The following CDKN2B-AS1 variants were observed in gnomAD, a reference collection of about 807,000 sequenced individuals.
CDKN2B-AS1 encodes the protein CDKN2B antisense RNA 1 (non-protein coding).
intron 1 of CDKN2B-AS1, among the ~76,000 whole-genome samples, chr9:22,016,566 A>G (rs1430964656): frequency 6.6e-6 from 1 of 152,198 alleles, no homozygotes; most frequent in Non-Finnish European, 1.5e-5. Flanking sequence ...GGCTACAGTA[A>G]CCAAAACAGC....
In CDKN2B-AS1 at chr9:22,103,342, T is replaced by G. The variant is rs1537373; in HGVS notation, n.439-23761T>G. Among the ~76,000 whole-genome samples the G allele has an allele frequency of 0.63, 95,154 of 151,974 alleles. 32,077 individuals are homozygous for G. Among genetic ancestry groups the G allele is most frequent in the African/African-American group, 0.89 (37,023 of 41,464 alleles). ...ATTTTCTTTTCTGGAGCTTGGCTAT[T>G]GGGGCATTGAGAAGTCCAGCCAGGA... is the stretch of plus-strand genomic sequence containing the variant. On this transcript the variant is annotated intron_variant and non_coding_transcript_variant, in intron 4 of 4. Transcript: ENST00000650946.
At chr9:22,064,550 G>A (rs1823960835) in intron 4 of CDKN2B-AS1, among the ~76,000 whole-genome samples, 1 of 152,192 alleles carries the variant, frequency 6.6e-6, no homozygotes, top group South Asian at 2.1e-4. Context: ...TATAGGAATG[G>A]AAACCTTAAT....
At chr9:22,070,145 G>A (rs747968849) in intron 4 of CDKN2B-AS1, among the ~76,000 whole-genome samples, 1 of 152,100 alleles carries the variant, frequency 6.6e-6, no homozygotes, top group African/African-American at 2.4e-5. Flanking sequence ...ATTGCCAAGT[G>A]GTTGGAGTGG....
At chr9:22,030,171 C>G (rs1212900098) in intron 1 of CDKN2B-AS1, 1 of 152,204 alleles carries the variant, frequency 6.6e-6, no homozygotes, top group Non-Finnish European at 1.5e-5. Context: ...TGCAGTTAAA[C>G]AGCTCACCAC....
In CDKN2B-AS1 at chr9:21,996,107, G is replaced by A. The variant is rs1820664119; in HGVS notation, n.29+946G>A. On this transcript the variant is annotated intron_variant and non_coding_transcript_variant, in intron 1 of 4. Coordinates refer to ENST00000650946, the Ensembl canonical transcript of CDKN2B-AS1. The surrounding 1 kb of genome is among the most constrained non-coding windows in gnomAD (Gnocchi z 5.4). ...AAGCCCCCCAGACCTTACAGGGGAG[G>A]AAAGTGAGGCCTGCACTGGCCGAGC... 6.6e-6 allele frequency: 1 copy of A among 152,340 alleles called. No individual in the cohort carries two copies. The highest frequency in any genetic ancestry group is 6.5e-5 in the Admixed American group (1 of 15,286). The allele number at this position is 152,340 out of a possible 1,614,324, so 9.4% of individuals were successfully genotyped here.
Position 22,126,579 on chromosome 9 carries a change from T to TTTC in CDKN2B-AS1, n.439-522_439-521insCTT, listed in dbSNP as rs1454422628. Among the ~76,000 whole-genome samples the TTTC allele has an allele frequency of 2.6e-3, 379 of 143,662 alleles. 5 individuals are homozygous for TTTC. Among genetic ancestry groups the TTTC allele is most frequent in the African/African-American group, 9.5e-3 (363 of 38,122 alleles). 94.2% of individuals were successfully genotyped at this position (143,662 alleles called of 152,430 possible). The stretch of plus-strand genomic sequence containing the variant: ...GGGGATGGAGTAAGTGGATTCTTTT[T>TTTC]TTTTTTTTTTTTTTTTGAGACGGAG... On this transcript the variant is annotated intron_variant and non_coding_transcript_variant, in intron 4 of 4. Transcript: ENST00000650946.
intron 4 of CDKN2B-AS1, among the ~76,000 whole-genome samples, chr9:22,087,703 A>AT (rs1824912208): frequency 1.3e-5 from 2 of 152,066 alleles, no homozygotes; most frequent in Admixed American, 1.3e-4. Flanking sequence ...CACTTCTTTG[A>AT]TTTTGTCATA....
intron 4 of CDKN2B-AS1, among the ~76,000 whole-genome samples, chr9:22,114,255 T>G (rs1384033407): frequency 6.6e-6 from 1 of 152,230 alleles, no homozygotes; most frequent in Non-Finnish European, 1.5e-5. Context: ...CAATCACCTG[T>G]GACTTTCCCT....
rs573494766 is a variant in CDKN2B-AS1, at chr9:21,995,822, C to G, written n.29+661C>G. 6.6e-6 allele frequency: 1 copy of G among 152,402 alleles called. No individual in the cohort carries two copies. 9.4% of individuals were successfully genotyped at this position (152,402 alleles called of 1,614,324 possible). On this transcript the variant is annotated intron_variant and non_coding_transcript_variant, in intron 1 of 4. Transcript: ENST00000650946. This position sits in a 1 kb window ranked among gnomAD's most constrained non-coding sequence, Gnocchi z 5.7. ...GCGCGGGAAGTCGAGCCCAGGACGC[C>G]GCCTTCAGGCCGGCGCGCTGACCCG...
At chr9:22,094,105 G>A (rs2131346123) in intron 4 of CDKN2B-AS1, among the ~76,000 whole-genome samples, 1 of 143,964 alleles carries the variant, frequency 6.9e-6, no homozygotes, top group East Asian at 2.0e-4. Context: ...ATGAAATTCT[G>A]GGTTGAAAAT....
At chr9:22,077,706 C>T (rs904372666) in intron 4 of CDKN2B-AS1, 5 of 152,158 alleles carry the variant, frequency 3.3e-5, no homozygotes, top group Non-Finnish European at 5.9e-5. Flanking sequence ...GAATTTCCTA[C>T]GAAGCTGGGT....
chr9:22,040,925 G>A lies in CDKN2B-AS1; in HGVS notation n.30-5826G>A, dbSNP rs180783157. 2.0e-4 allele frequency among the ~76,000 whole-genome samples: 31 copies of A among 152,112 alleles called. No homozygotes were observed. In the East Asian group the frequency reaches 5.8e-3, roughly 29 times the overall value. ...CCCAGGCCACACAGTAAGCTTTGGTGCCAGAATGTATCTCTAGGCTTTCTC... is the reference window on the plus strand; with the variant it reads ...CCCAGGCCACACAGTAAGCTTTGGTACCAGAATGTATCTCTAGGCTTTCTC... On this transcript the variant is annotated intron_variant and non_coding_transcript_variant, in intron 1 of 4. Coordinates refer to ENST00000650946, the Ensembl canonical transcript of CDKN2B-AS1.
In CDKN2B-AS1 at chr9:22,006,429, AC is replaced by A. The variant is rs1000479752; in HGVS notation, n.29+11272del. Among the ~76,000 whole-genome samples, 1 of 151,962 alleles carries A rather than the reference AC, an allele frequency of 6.6e-6. No homozygotes were observed. Among genetic ancestry groups the A allele is most frequent in the Non-Finnish European group, 1.5e-5 (1 of 67,982 alleles). On this transcript the variant is annotated intron_variant and non_coding_transcript_variant, in intron 1 of 4. Transcript: ENST00000650946. The surrounding 1 kb of genome is among the most constrained non-coding windows in gnomAD (Gnocchi z 6.4). ...ATTTGCTGATGCAATCCACTTTCCC[AC>A]CCCACCTTCAGGTTATACTCAGTAC...
At chr9:22,050,089 T>G (rs1197381827) in intron 3 of CDKN2B-AS1, among the ~76,000 whole-genome samples, 1 of 152,194 alleles carries the variant, frequency 6.6e-6, no homozygotes, top group African/African-American at 2.4e-5. Flanking sequence ...TGTATTTCTC[T>G]TTTATGCAAT....
intron 4 of CDKN2B-AS1, among the ~76,000 whole-genome samples, chr9:22,081,181 C>T (rs72651100): frequency 6.6e-6 from 1 of 151,058 alleles, no homozygotes; most frequent in African/African-American, 2.4e-5. Flanking sequence ...TTGTCATGTA[C>T]ATTTTGTCAT....
At chr9:22,015,026 T>A (rs1821678607) in intron 1 of CDKN2B-AS1, among the ~76,000 whole-genome samples, 1 of 152,210 alleles carries the variant, frequency 6.6e-6, no homozygotes, top group Admixed American at 6.5e-5. Context: ...ACATTTGGGT[T>A]GGTTCCAAGT....
intron 1 of CDKN2B-AS1, among the ~76,000 whole-genome samples, chr9:22,014,657 G>C (rs930512813): frequency 1.3e-5 from 2 of 151,804 alleles, no homozygotes; most frequent in African/African-American, 4.8e-5. Context: ...TGTGCACAAT[G>C]TGCAGGTTAG....
At chr9:22,024,035 A>G (rs1275851657) in intron 1 of CDKN2B-AS1, among the ~76,000 whole-genome samples, 1 of 152,128 alleles carries the variant, frequency 6.6e-6, no homozygotes, top group Admixed American at 6.5e-5. Flanking sequence ...TTGAGTTTTC[A>G]GTGTTCTTGT....
chr9:22,008,021 T>C (rs1215434828), intron 1 of CDKN2B-AS1, among the ~76,000 whole-genome samples: 1 of 152,024 alleles, frequency 6.6e-6, no homozygotes, highest in Non-Finnish European at 1.5e-5. Context: ...TACAAAAGAG[T>C]TGTCCGAGAT....
Sources: gnomAD v4.1 joint callset for allele counts (sites outside exome capture counted in the v4.1 genomes callset) on GRCh38, gnomAD v4.1.1 for gene constraint, Gnocchi (gnomAD v3.1) non-coding constraint, MANE v1.5 for transcripts, NCBI Gene and HGNC (gene_info 2026-07-23, HGNC 2026-07-21) for gene names.